The following PCLO variants were observed in gnomAD, a reference collection of about 807,000 sequenced individuals.
The protein encoded by PCLO is piccolo presynaptic cytomatrix protein.
In PCLO, 82 loss-of-function variants were observed where a neutral mutation model predicts 427.5. The observed-to-expected ratio is 0.19, with a 90% CI of 0.16 to 0.23. PCLO has a LOEUF of 0.23. Ranked by LOEUF, PCLO falls within the 10% of genes least tolerant of loss-of-function variation. The pLI is 1.00. For missense variants in PCLO, 6,239 were observed against 6,115.9 expected (o/e 1.02, Z -0.67); for synonymous variants, 2,357 against 2,155.4 (o/e 1.09, Z -2.59).
intron 3 of PCLO, among the ~76,000 whole-genome samples, chr7:83,107,142 G>A (rs753460298): frequency 3.3e-5 from 5 of 152,098 alleles, no homozygotes; most frequent in Non-Finnish European, 5.9e-5. Flanking sequence ...GGGTGTTGGT[G>A]TACAAATTAT....
At chr7:83,033,061 C>T (rs183109699) in intron 3 of PCLO, among the ~76,000 whole-genome samples, 98 of 152,238 alleles carry the variant, frequency 6.4e-4, no homozygotes, top group Non-Finnish European at 2.5e-4. Context: ...CTCACCCTCT[C>T]TCTCTCCTAC....
At chr7:82,994,213 A>T (rs2115862032) in intron 3 of PCLO, among the ~76,000 whole-genome samples, 1 of 152,212 alleles carries the variant, frequency 6.6e-6, no homozygotes, top group East Asian at 1.9e-4. Flanking sequence ...AACTATATTG[A>T]TTAATGTGCT....
chr7:82,905,280 G>C (rs1429488527), intron 8 of PCLO, among the ~76,000 whole-genome samples: 8 of 151,994 alleles, frequency 5.3e-5, no homozygotes, highest in Non-Finnish European at 1.0e-4. Context: ...AATCAAGCCT[G>C]TATATATAAA....
chr7:83,142,580 G>A (rs959520717), intron 2 of PCLO, among the ~76,000 whole-genome samples: 7 of 151,982 alleles, frequency 4.6e-5, no homozygotes, highest in African/African-American at 1.7e-4. Flanking sequence ...ATTATACCCC[G>A]AACCACAGCA....
intron 3 of PCLO, among the ~76,000 whole-genome samples, chr7:83,054,703 C>A (rs1355085302): frequency 6.6e-6 from 1 of 151,860 alleles, no homozygotes; most frequent in Non-Finnish European, 1.5e-5. Context: ...AATCAGAGGT[C>A]AATTGGCTGA....
chr7:83,074,153 T>A (rs1038679997), intron 3 of PCLO, among the ~76,000 whole-genome samples: 5 of 152,028 alleles, frequency 3.3e-5, no homozygotes, highest in Admixed American at 2.0e-4. Flanking sequence ...TCTCATTATA[T>A]CCTTGTAAAA....
intron 3 of PCLO, among the ~76,000 whole-genome samples, chr7:83,077,515 C>T (rs1320183244): frequency 6.6e-6 from 1 of 152,034 alleles, no homozygotes; most frequent in Non-Finnish European, 1.5e-5. Flanking sequence ...GAAGCCAGAA[C>T]CAGCTTCTGC....
intron 3 of PCLO, among the ~76,000 whole-genome samples, chr7:83,105,957 G>GC (rs1284342265): frequency 4.0e-4 from 54 of 133,986 alleles, no homozygotes; most frequent in African/African-American, 1.4e-3. Flanking sequence ...TGTTTGTTTG[G>GC]AGTACAGAAT....
At chr7:83,061,011 T>C (rs374613036) in intron 3 of PCLO, among the ~76,000 whole-genome samples, 1 of 152,164 alleles carries the variant, frequency 6.6e-6, no homozygotes, top group Non-Finnish European at 1.5e-5. Context: ...ATATAGATTA[T>C]TGGGCACAAC....
intron 3 of PCLO, among the ~76,000 whole-genome samples, chr7:83,023,127 A>G (rs2116071118): frequency 6.6e-6 from 1 of 152,322 alleles, no homozygotes; most frequent in East Asian, 1.9e-4. Flanking sequence ...AAATTTGTCA[A>G]AAAAAGTCAA....
chr7:82,861,668 G>A (rs1188658716), intron 10 of PCLO, among the ~76,000 whole-genome samples: 2 of 151,980 alleles, frequency 1.3e-5, no homozygotes, highest in African/African-American at 2.4e-5. Context: ...GCCAAGAGCT[G>A]CGGAATACAC....
intron 3 of PCLO, among the ~76,000 whole-genome samples, chr7:83,131,742 G>A (rs535875827): frequency 6.6e-6 from 1 of 151,932 alleles, no homozygotes; most frequent in Admixed American, 6.6e-5. Context: ...GAAAATATTA[G>A]GTCACAAGAA....
intron 3 of PCLO, among the ~76,000 whole-genome samples, chr7:82,985,221 G>A (rs1016981134): frequency 2.0e-5 from 3 of 151,956 alleles, no homozygotes; most frequent in Non-Finnish European, 2.9e-5. Flanking sequence ...ATGGCACAGA[G>A]GTAGGGCAGA....
intron 8 of PCLO, among the ~76,000 whole-genome samples, chr7:82,907,605 A>G (rs1289511884): frequency 6.6e-6 from 1 of 152,042 alleles, no homozygotes; most frequent in Non-Finnish European, 1.5e-5. Context: ...TAAAAGCATA[A>G]TTCAATACAG....
At chr7:82,801,209 T>TTTTTTTTTTTTG (rs1265299292) in intron 22 of PCLO, among the ~76,000 whole-genome samples, 1 of 147,282 alleles carries the variant, frequency 6.8e-6, no homozygotes, top group Non-Finnish European at 1.5e-5. Flanking sequence ...GTTATATTTT[T>TTTTTTTTTTTTG]AAGTTCAAGA....
At chr7:82,936,680 C>G (rs1323254499) in intron 6 of PCLO, among the ~76,000 whole-genome samples, 1 of 151,344 alleles carries the variant, frequency 6.6e-6, no homozygotes, top group Non-Finnish European at 1.5e-5. Context: ...AGGCATATAC[C>G]CTTAAAATTG....
intron 3 of PCLO, among the ~76,000 whole-genome samples, chr7:82,989,255 T>C (rs990311106): frequency 6.6e-6 from 1 of 152,122 alleles, no homozygotes; most frequent in Non-Finnish European, 1.5e-5. Context: ...GACAAAATCA[T>C]TTAGGGCAAA....
At chr7:82,784,559 T>C in intron 22 of PCLO, among the ~76,000 whole-genome samples, 1 of 152,200 alleles carries the variant, frequency 6.6e-6, no homozygotes, top group Non-Finnish European at 1.5e-5. Context: ...CTGTATTTGT[T>C]TGGTACTTTG....
rs71074611 is a variant in PCLO, at chr7:83,050,227, A to AAAAAAAAAAAACAAAAACAAAAAC, written c.3301-83741_3301-83740insGTTTTTGTTTTTGTTTTTTTTTTT. Among the ~76,000 whole-genome samples the AAAAAAAAAAAACAAAAACAAAAAC allele has an allele frequency of 3.7e-4, 32 of 85,638 alleles. 1 individual carries two copies. The highest frequency in any genetic ancestry group is 5.8e-4 in the Non-Finnish European group (22 of 37,716). 56.2% of individuals were successfully genotyped at this position (85,638 alleles called of 152,430 possible). A position where few individuals can be genotyped will look rare whatever the true frequency, so the allele number is the denominator to read the frequency against. On this transcript the variant is annotated intron_variant, in intron 3 of 24. Coordinates refer to ENST00000333891, the MANE Select transcript of PCLO (RefSeq NM_033026.6). Reference sequence around the variant, plus strand: ...AAAACTGAAAAAAAAAAAAAAAAAAAAAAAAAAAAACACAAGCAAACAAAA... The same window carrying AAAAAAAAAAAACAAAAACAAAAAC: ...AAAACTGAAAAAAAAAAAAAAAAAAAAAAAAAAAAAACAAAAACAAAAACAAAAAAAAAACACAAGCAAACAAAA...
Sources: gnomAD v4.1 joint callset for allele counts (sites outside exome capture counted in the v4.1 genomes callset) on GRCh38, gnomAD v4.1.1 for gene constraint, MANE v1.5 for transcripts, NCBI Gene and HGNC (gene_info 2026-07-23, HGNC 2026-07-21) for gene names.